The following CAST variants were observed in gnomAD, a reference collection of about 807,000 sequenced individuals.
CAST encodes the protein MIR583 host.
A neutral mutation model predicts 119.6 loss-of-function variants in CAST; 76 were observed. The observed-to-expected ratio is 0.64, with a 90% CI of 0.53 to 0.77. The LOEUF (loss-of-function observed/expected upper bound fraction) is 0.77. Ranked by LOEUF, CAST falls within the 30% of genes least tolerant of loss-of-function variation. The pLI is 0.00. For synonymous variants in CAST, 319 were observed against 331.6 expected, an observed-to-expected ratio of 0.96 and a Z score of 0.41; for missense variants, 953 against 946.5, an observed-to-expected ratio of 1.01 and a Z score of -0.09.
Position 96,729,599 on chromosome 5 carries a change from T to A in CAST, c.436-13T>A. On this transcript the variant is annotated splice_polypyrimidine_tract_variant and intron_variant, in intron 7 of 31. Coordinates refer to ENST00000675179, the MANE Select transcript of CAST (RefSeq NM_001750.7). ...CTTTATATGTGTGTGGGCACCTGTG[T>A]GTGTACTTTCAGCCAAAAAGCCTAC... The A allele has an allele frequency of 9.1e-7, 1 of 1,094,842 alleles. No individual in the cohort carries two copies. The highest frequency in any genetic ancestry group is 1.4e-6 in the Non-Finnish European group (1 of 706,558). 67.8% of individuals were successfully genotyped at this position (1,094,842 alleles called of 1,614,324 possible). A position where few individuals can be genotyped will look rare whatever the true frequency, so the allele number is the denominator to read the frequency against.
At chr5:96,630,768 A>C (rs548818320) in intron 1 of CAST, among the ~76,000 whole-genome samples, 1 of 152,236 alleles carries the variant, frequency 6.6e-6, no homozygotes, top group East Asian at 1.9e-4. Flanking sequence ...CCTGGGGGAC[A>C]GAGCAAGACT....
chr5:96,093,212 C>T, the CAST span, among the ~76,000 whole-genome samples: 1 of 151,978 alleles, frequency 6.6e-6, no homozygotes, highest in Non-Finnish European at 1.5e-5. Flanking sequence ...TTCGGTGACC[C>T]AATTCTTTAT....
the CAST span, among the ~76,000 whole-genome samples, chr5:96,262,777 C>T: frequency 7.2e-5 from 11 of 152,112 alleles, no homozygotes; most frequent in East Asian, 3.9e-4. Context: ...CCTCGTGATC[C>T]GCCTGCCTCG....
At chr5:96,523,605 AT>A (rs1438880643), upstream of CAST, among the ~76,000 whole-genome samples, 1 of 152,210 alleles carries the variant, frequency 6.6e-6, no homozygotes, top group African/African-American at 2.4e-5. Context: ...CTTAAAGATA[AT>A]AGCTAAGGTG....
the CAST span, among the ~76,000 whole-genome samples, chr5:96,374,110 A>G: frequency 6.6e-6 from 1 of 152,182 alleles, no homozygotes; most frequent in African/African-American, 2.4e-5. Flanking sequence ...CTACACTTCA[A>G]AGTAGAATAA....
chr5:96,127,337 T>C, the CAST span, among the ~76,000 whole-genome samples: 8 of 152,242 alleles, frequency 5.3e-5, no homozygotes, highest in Non-Finnish European at 7.4e-5. Flanking sequence ...GTTCACTGTA[T>C]TTTATTTCAT....
rs115975251 is a variant in CAST, at chr5:96,700,801, A to C, written c.210+4894A>C. On this transcript the variant is annotated intron_variant, in intron 3 of 31. Coordinates refer to ENST00000675179, the MANE Select transcript of CAST (RefSeq NM_001750.7). Reference sequence around the variant, plus strand: ...CAGATGCAGATGATTTGAGAACCACACTGGCAGGAAGGACACCCTCAGGGA... The same window carrying C: ...CAGATGCAGATGATTTGAGAACCACCCTGGCAGGAAGGACACCCTCAGGGA... Among the ~76,000 whole-genome samples, 1,244 of 152,242 alleles carry C rather than the reference A, an allele frequency of 8.2e-3. 10 individuals carry two copies. The highest frequency in any genetic ancestry group is 0.011 in the Non-Finnish European group (725 of 67,998).
chr5:96,626,440 C>G (rs1747725315), intron 1 of CAST, among the ~76,000 whole-genome samples: 1 of 152,164 alleles, frequency 6.6e-6, no homozygotes. Context: ...GGATGCTGCT[C>G]CACCCTCCAT....
the CAST span, among the ~76,000 whole-genome samples, chr5:95,970,742 A>C: frequency 2.6e-5 from 4 of 152,246 alleles, no homozygotes; most frequent in African/African-American, 9.6e-5. Context: ...AAGCTGGGCT[A>C]TTAACTGAGA....
rs1418687575 is a variant in CAST, at chr5:96,730,839, A to T, written c.609A>T (p.Ile203=). The change falls in exon 9 of 32, where the codon ATA becomes ATT. Residue 203 remains isoleucine (I), a synonymous_variant. Transcript: ENST00000675179. ...GGESVAGITA[I]SGKPGDKKKE... is the part of the protein sequence containing the mutation. ...AGAGTGTTGCTGGTATCACTGCAAT[A>T]TCTGGCAAGCCGGGTGACAAGGTGA... 3 of 1,613,668 alleles carry T rather than the reference A, an allele frequency of 1.9e-6. No homozygotes were observed. In the African/African-American group the frequency reaches 4.0e-5, roughly 22 times the overall value.
At chr5:96,170,898 A>T in the CAST span, among the ~76,000 whole-genome samples, 1 of 152,124 alleles carries the variant, frequency 6.6e-6, no homozygotes, top group Non-Finnish European at 1.5e-5. Context: ...GAGGTGATAA[A>T]AGGATTATAG....
At chr5:96,432,032 C>A in the CAST span, 1 of 1,323,570 alleles carries the variant, frequency 7.6e-7, no homozygotes, top group South Asian at 1.3e-5. Context: ...ACCAAGCCTT[C>A]ACTTGGACAG....
chr5:96,744,119 A>G (rs555356636), intron 16 of CAST, among the ~76,000 whole-genome samples: 1 of 152,332 alleles, frequency 6.6e-6, no homozygotes, highest in African/African-American at 2.4e-5. Flanking sequence ...CTAGTTTGGG[A>G]ATGCATATGA....
the CAST span, among the ~76,000 whole-genome samples, chr5:96,485,752 C>T: frequency 1.3e-5 from 2 of 152,058 alleles, no homozygotes; most frequent in Non-Finnish European, 2.9e-5. Context: ...AGGGAGAGAG[C>T]TCAGAGAATA....
the CAST span, among the ~76,000 whole-genome samples, chr5:96,386,562 T>C: frequency 6.6e-6 from 1 of 152,248 alleles, no homozygotes; most frequent in African/African-American, 2.4e-5. Flanking sequence ...GAGCTACAAA[T>C]TCAAATCTGT....
chr5:96,712,465 G>A (rs1035809238), intron 3 of CAST, among the ~76,000 whole-genome samples: 1 of 152,186 alleles, frequency 6.6e-6, no homozygotes, highest in African/African-American at 2.4e-5. Flanking sequence ...TGAGGGCCTG[G>A]GACCACAGGT....
the CAST span, among the ~76,000 whole-genome samples, chr5:96,462,160 T>C: frequency 0.068 from 10,339 of 152,118 alleles, 1,204 homozygotes; most frequent in African/African-American, 0.24. Context: ...ATAGTCTTCA[T>C]TTACTTACCC....
the CAST span, among the ~76,000 whole-genome samples, chr5:96,027,153 A>G: frequency 2.6e-5 from 4 of 152,310 alleles, no homozygotes; most frequent in Non-Finnish European, 4.4e-5. Context: ...TGTACTCCAC[A>G]GCCTGGATGA....
intron 28 of CAST, 27 bp from the exon 29 acceptor site, chr5:96,767,880 T>A: frequency 6.7e-7 from 1 of 1,490,710 alleles, no homozygotes. Flanking sequence ...GCTTCTTCAC[T>A]GATGGTTATT....
Sources: allele counts gnomAD v4.1 joint callset (sites outside exome capture counted in the v4.1 genomes callset), GRCh38; gene constraint gnomAD v4.1.1; transcripts MANE v1.5; gene names NCBI Gene and HGNC (gene_info 2026-07-23, HGNC 2026-07-21).